The following PLCB1 variants were observed in gnomAD, a reference collection of about 807,000 sequenced individuals.
The protein encoded by PLCB1 is 1-phosphatidylinositol 4,5-bisphosphate phosphodiesterase beta-1.
In PLCB1, 46 loss-of-function variants were observed where a neutral mutation model predicts 161.8. That is an observed-to-expected ratio of 0.28 (90% CI 0.22 to 0.36). PLCB1 has a LOEUF of 0.36. Among genes scored for constraint, PLCB1 ranks in the 10% least tolerant of loss-of-function variants. The probability of loss-of-function intolerance (pLI) is 1.00; values close to 1 mark genes in which losing one functional copy is unlikely to be tolerated. For missense variants in PLCB1, 1,016 were observed against 1,472.5 expected (o/e 0.69, Z 5.07); for synonymous variants, 517 against 503.7 (o/e 1.03, Z -0.35).
In PLCB1 at chr20:8,787,122, G is replaced by A. The variant is rs2146218323; in HGVS notation, c.3112-1327G>A. ...CTTGTCACATGGCCACAAAAAGTTA[G>A]GCTTGAAGGCAATTTGAAGAGTGAG... On this transcript the variant is annotated intron_variant, in intron 27 of 31. Transcript: ENST00000338037. Among the ~76,000 whole-genome samples, 4 of 152,308 alleles carry A rather than the reference G, an allele frequency of 2.6e-5. No homozygotes were observed. In the South Asian group the frequency reaches 8.3e-4, roughly 32 times the overall value.
chr20:8,474,588 A>C (rs1982192183), intron 3 of PLCB1, among the ~76,000 whole-genome samples: 1 of 152,096 alleles, frequency 6.6e-6, no homozygotes, highest in South Asian at 2.1e-4. Flanking sequence ...ATGCTGCTGT[A>C]GGCCCTCATA....
intron 27 of PLCB1, among the ~76,000 whole-genome samples, chr20:8,783,133 G>A (rs1361919335): frequency 1.1e-5 from 1 of 88,240 alleles, no homozygotes; most frequent in Non-Finnish European, 2.7e-5. Flanking sequence ...AAACAAACCA[G>A]CAAAAAGTAA....
At chr20:8,513,696 A>AT (rs1983988217) in intron 3 of PLCB1, among the ~76,000 whole-genome samples, 1 of 152,146 alleles carries the variant, frequency 6.6e-6, no homozygotes, top group South Asian at 2.1e-4. Context: ...GTGAAATGAT[A>AT]AAACGCTACC....
At chr20:8,533,415 T>A (rs1283242610) in intron 3 of PLCB1, among the ~76,000 whole-genome samples, 2 of 151,804 alleles carry the variant, frequency 1.3e-5, no homozygotes, top group Admixed American at 1.3e-4. Context: ...TATTTCTAGT[T>A]CTAGATCCCT....
chr20:8,779,616 C>T (rs1156777967), intron 27 of PLCB1, among the ~76,000 whole-genome samples: 2 of 150,866 alleles, frequency 1.3e-5, no homozygotes, highest in Non-Finnish European at 3.0e-5. Context: ...CCGTGAATCA[C>T]CTAGGAGTGT....
At chr20:8,266,983 G>A (rs890500712) in intron 2 of PLCB1, among the ~76,000 whole-genome samples, 3 of 150,572 alleles carry the variant, frequency 2.0e-5, no homozygotes, top group Admixed American at 2.0e-4. Flanking sequence ...GGTGCAATGA[G>A]CCTAGATCGT....
At chr20:8,619,306 C>T (rs995290488) in intron 3 of PLCB1, among the ~76,000 whole-genome samples, 1 of 151,940 alleles carries the variant, frequency 6.6e-6, no homozygotes, top group Non-Finnish European at 1.5e-5. Flanking sequence ...GTAATCCCAG[C>T]TACTCAGGAG....
intron 3 of PLCB1, among the ~76,000 whole-genome samples, chr20:8,614,334 A>G (rs1319715645): frequency 6.6e-6 from 1 of 151,022 alleles, no homozygotes; most frequent in Non-Finnish European, 1.5e-5. Context: ...ATTCAATTAT[A>G]TATATATATA....
At chr20:8,197,066 C>T (rs577122774) in intron 2 of PLCB1, among the ~76,000 whole-genome samples, 5 of 152,236 alleles carry the variant, frequency 3.3e-5, no homozygotes, top group African/African-American at 9.6e-5. Flanking sequence ...TCCTGTCTAT[C>T]ATTGTTGGAC....
At chr20:8,179,320 T>C (rs532457884) in intron 2 of PLCB1, among the ~76,000 whole-genome samples, 140 of 152,316 alleles carry the variant, frequency 9.2e-4, no homozygotes, top group Non-Finnish European at 1.6e-3. Context: ...GAGCAGTGTT[T>C]TGTAATTCTC....
intron 3 of PLCB1, among the ~76,000 whole-genome samples, chr20:8,455,361 G>A (rs545672491): frequency 6.9e-6 from 1 of 145,626 alleles, no homozygotes; most frequent in South Asian, 2.1e-4. Flanking sequence ...TCAATTGGAA[G>A]TATCTGGAAG....
At chr20:8,547,556 G>C (rs541849075) in intron 3 of PLCB1, among the ~76,000 whole-genome samples, 7 of 135,454 alleles carry the variant, frequency 5.2e-5, no homozygotes, top group African/African-American at 1.5e-4. Flanking sequence ...TATCTAACCC[G>C]TTCTATGTTC....
chr20:8,774,508 G>GT (rs781180761), intron 26 of PLCB1, 31 bp from the exon 27 acceptor site: 2 of 1,566,606 alleles, frequency 1.3e-6, no homozygotes, highest in South Asian at 2.4e-5. Context: ...TGGCCTGTCT[G>GT]TTTTGTGAGT....
intron 18 of PLCB1, chr20:8,729,875 T>C (rs543150069): frequency 1.3e-4 from 20 of 152,144 alleles, no homozygotes; most frequent in African/African-American, 4.6e-4. Flanking sequence ...ATGTTTAATA[T>C]GACGTGGCCT....
At chr20:8,533,483 G>A (rs2122925473) in intron 3 of PLCB1, among the ~76,000 whole-genome samples, 1 of 152,240 alleles carries the variant, frequency 6.6e-6, no homozygotes, top group Admixed American at 6.5e-5. Flanking sequence ...CCCACCAACA[G>A]TGTAAAAATG....
intron 2 of PLCB1, among the ~76,000 whole-genome samples, chr20:8,311,601 A>T (rs1984407249): frequency 6.6e-6 from 1 of 152,176 alleles, no homozygotes; most frequent in Admixed American, 6.5e-5. Flanking sequence ...CTTAGGGTTC[A>T]TCTCTATTAA....
chr20:8,810,250 C>G (rs537984904), intron 31 of PLCB1, among the ~76,000 whole-genome samples: 6 of 152,090 alleles, frequency 3.9e-5, no homozygotes, highest in Non-Finnish European at 5.9e-5. Flanking sequence ...GTTTAAAATT[C>G]AAGGCTCCGG....
chr20:8,523,496 C>CTCTCTATATA, intron 3 of PLCB1, among the ~76,000 whole-genome samples: 3 of 51,654 alleles, frequency 5.8e-5, no homozygotes, highest in South Asian at 6.6e-4. Context: ...CTCTCTCTCT[C>CTCTCTATATA]TATATATATA....
At chr20:8,367,677 GA>G (rs1986757098) in intron 2 of PLCB1, among the ~76,000 whole-genome samples, 1 of 152,116 alleles carries the variant, frequency 6.6e-6, no homozygotes, top group South Asian at 2.1e-4. Context: ...CACAAAGCTG[GA>G]AAACAGAAAC....
Sources: allele counts gnomAD v4.1 joint callset (sites outside exome capture counted in the v4.1 genomes callset), GRCh38; gene constraint gnomAD v4.1.1; transcripts MANE v1.5; gene names NCBI Gene and HGNC (gene_info 2026-07-23, HGNC 2026-07-21).